Variants in GMDS observed in about 807,000 individuals in gnomAD.
The protein encoded by GMDS is GDP-mannose 4,6-dehydratase.
A neutral mutation model predicts 49.9 loss-of-function variants in GMDS; 20 were observed. The ratio of observed to expected loss-of-function variants is 0.40; its 90% CI spans 0.28 to 0.58. The LOEUF (loss-of-function observed/expected upper bound fraction) is 0.58. GMDS is among the 20% of genes least tolerant of loss of function. The pLI is 0.42. For missense variants in GMDS, 362 were observed against 481.4 expected (o/e 0.75, Z 2.32); for synonymous variants, 177 against 178.6 (o/e 0.99, Z 0.07).
rs141904465 is a variant in GMDS, at chr6:2,043,078, T to C, written c.345+72693A>G. Among the ~76,000 whole-genome samples, 105 of 152,270 alleles carry C rather than the reference T, an allele frequency of 6.9e-4. No individual in the cohort carries two copies. In the East Asian group the frequency reaches 0.019, roughly 27 times the overall value. The stretch of plus-strand genomic sequence containing the variant: ...AAGCCTCATGAGTCTAAAAGAGTGA[T>C]GTGAAGACAAAGGGGTCCTGCAGCA... On this transcript the variant is annotated intron_variant, in intron 4 of 10. Coordinates refer to ENST00000380815, the MANE Select transcript of GMDS (RefSeq NM_001500.4).
chr6:2,003,446 TA>T (rs1766958455), intron 4 of GMDS, among the ~76,000 whole-genome samples: 1 of 152,038 alleles, frequency 6.6e-6, no homozygotes, highest in South Asian at 2.1e-4. Flanking sequence ...ATCTGCCCAT[TA>T]AACCATAAAT....
At chr6:2,100,931 G>T (rs1773887384) in intron 4 of GMDS, among the ~76,000 whole-genome samples, 1 of 151,924 alleles carries the variant, frequency 6.6e-6, no homozygotes, top group Non-Finnish European at 1.5e-5. Flanking sequence ...AGTATTTTCT[G>T]TAAGAATGCA....
intron 7 of GMDS, among the ~76,000 whole-genome samples, chr6:1,771,775 T>C (rs979172712): frequency 2.0e-5 from 3 of 152,258 alleles, no homozygotes; most frequent in African/African-American, 7.2e-5. Flanking sequence ...ATATCTGATA[T>C]GTCCAGCCAG....
chr6:1,940,913 G>A (rs1393280397), intron 6 of GMDS, among the ~76,000 whole-genome samples: 1 of 152,062 alleles, frequency 6.6e-6, no homozygotes, highest in Non-Finnish European at 1.5e-5. Flanking sequence ...CAGTGTTTAG[G>A]AGCGTCACTG....
At chr6:1,706,146 C>A (rs952645165) in intron 9 of GMDS, among the ~76,000 whole-genome samples, 8 of 152,032 alleles carry the variant, frequency 5.3e-5, no homozygotes, top group African/African-American at 1.9e-4. Flanking sequence ...TCATTCATTT[C>A]GATTCTCAAG....
intron 1 of GMDS, among the ~76,000 whole-genome samples, chr6:2,193,677 G>A (rs1044954769): frequency 6.6e-6 from 1 of 151,726 alleles, no homozygotes; most frequent in African/African-American, 2.4e-5. Flanking sequence ...ACATGAAATA[G>A]CCAGATGGAT....
intron 7 of GMDS, among the ~76,000 whole-genome samples, chr6:1,925,014 T>C (rs908103232): frequency 4.6e-5 from 7 of 152,314 alleles, no homozygotes; most frequent in South Asian, 2.1e-4. Context: ...TTTTAGTAGC[T>C]TGTGTTTGTG....
intron 1 of GMDS, among the ~76,000 whole-genome samples, chr6:2,226,836 T>C (rs770053805): frequency 6.6e-6 from 1 of 152,300 alleles, no homozygotes; most frequent in East Asian, 1.9e-4. Context: ...GGCTGGGATT[T>C]TCCTCACCCT....
At chr6:2,064,521 T>C (rs1315733107) in intron 4 of GMDS, among the ~76,000 whole-genome samples, 4 of 152,212 alleles carry the variant, frequency 2.6e-5, no homozygotes, top group Admixed American at 2.6e-4. Flanking sequence ...ATTGTGTCCA[T>C]GTGAAGGGAA....
intron 7 of GMDS, among the ~76,000 whole-genome samples, chr6:1,792,446 C>T (rs1475439571): frequency 3.3e-5 from 5 of 152,120 alleles, no homozygotes; most frequent in African/African-American, 7.2e-5. Flanking sequence ...CGATACTGAT[C>T]GTTTCACCTA....
intron 1 of GMDS, among the ~76,000 whole-genome samples, chr6:2,200,170 A>T (rs1477068902): frequency 1.3e-5 from 2 of 152,212 alleles, no homozygotes; most frequent in Non-Finnish European, 2.9e-5. Flanking sequence ...GAGGAAGTTT[A>T]TTCTGTAGAC....
intron 1 of GMDS, among the ~76,000 whole-genome samples, chr6:2,192,681 C>A (rs1207922404): frequency 6.6e-6 from 1 of 152,238 alleles, no homozygotes; most frequent in Non-Finnish European, 1.5e-5. Flanking sequence ...AGAGCCAGTG[C>A]CCATGCTGGC....
At chr6:2,221,753 A>G (rs920603275) in intron 1 of GMDS, among the ~76,000 whole-genome samples, 1 of 152,186 alleles carries the variant, frequency 6.6e-6, no homozygotes, top group Admixed American at 6.5e-5. Context: ...AATTAATGAG[A>G]ATATCATATT....
intron 9 of GMDS, among the ~76,000 whole-genome samples, chr6:1,644,539 C>T (rs903207008): frequency 3.3e-5 from 5 of 152,222 alleles, no homozygotes; most frequent in Non-Finnish European, 5.9e-5. Flanking sequence ...AAATTCTCTC[C>T]ACTTTAGAAG....
At chr6:2,149,477 C>T (rs1473279124) in intron 1 of GMDS, among the ~76,000 whole-genome samples, 1 of 152,058 alleles carries the variant, frequency 6.6e-6, no homozygotes, top group African/African-American at 2.4e-5. Flanking sequence ...TTATGTGAGG[C>T]GTCTACCACA....
At chr6:2,036,702 T>C (rs1180637291) in intron 4 of GMDS, among the ~76,000 whole-genome samples, 5 of 152,324 alleles carry the variant, frequency 3.3e-5, no homozygotes, top group Non-Finnish European at 7.3e-5. Context: ...ATATAGGATA[T>C]ACTGAGAATA....
intron 1 of GMDS, among the ~76,000 whole-genome samples, chr6:2,199,783 A>G (rs1482069621): frequency 2.0e-5 from 3 of 152,244 alleles, no homozygotes; most frequent in African/African-American, 4.8e-5. Flanking sequence ...GTATCAACTT[A>G]AAAGCAGAAC....
intron 1 of GMDS, among the ~76,000 whole-genome samples, chr6:2,139,596 G>A (rs1776183287): frequency 6.6e-6 from 1 of 152,154 alleles, no homozygotes; most frequent in Non-Finnish European, 1.5e-5. Flanking sequence ...AGGAAGAGAA[G>A]TCTTTACTCT....
chr6:2,089,355 A>G (rs1773189213), intron 4 of GMDS, among the ~76,000 whole-genome samples: 1 of 152,200 alleles, frequency 6.6e-6, no homozygotes, highest in Admixed American at 6.5e-5. Context: ...ACAATAGACT[A>G]TTTGTGAGAT....
Sources: allele counts gnomAD v4.1 joint callset (sites outside exome capture counted in the v4.1 genomes callset), GRCh38; gene constraint gnomAD v4.1.1; transcripts MANE v1.5; gene names NCBI Gene and HGNC (gene_info 2026-07-23, HGNC 2026-07-21).